C6: variants seen among roughly 807,000 people sequenced by gnomAD.
The protein encoded by C6 is complement C6, also known as complement component C6.
A neutral mutation model predicts 112.9 loss-of-function variants in C6; 101 were observed. The observed-to-expected ratio is 0.89, with a 90% confidence interval of 0.76 to 1.06. C6 has a LOEUF of 1.06. Among genes scored for constraint, C6 ranks in the 50% least tolerant of loss-of-function variants. C6 has a pLI of 0.00. For synonymous variants in C6, 431 were observed against 384.1 expected (o/e 1.12, Z -1.43); for missense variants, 1,202 against 1,104.6 (o/e 1.09, Z -1.25).
chr5:41,195,681 G>T lies in C6; in HGVS notation c.587+111C>A, dbSNP rs189968996. Reference sequence around the variant, plus strand: ...TAAGTATCAGAGATAGGGCTGGTAGGAGTAGTAAGAAGTTAATGAGGAAGA... The same window carrying T: ...TAAGTATCAGAGATAGGGCTGGTAGTAGTAGTAAGAAGTTAATGAGGAAGA... On this transcript the variant is annotated intron_variant, in intron 5 of 17. Coordinates refer to ENST00000337836, the MANE Select transcript of C6 (RefSeq NM_000065.5). 1,298 of 1,108,412 alleles carry T rather than the reference G, an allele frequency of 1.2e-3. 3 individuals carry two copies. Among genetic ancestry groups the T allele is most frequent in the Non-Finnish European group, 1.3e-3 (922 of 731,506 alleles). 68.7% of individuals were successfully genotyped at this position (1,108,412 alleles called of 1,614,324 possible). A position where few individuals can be genotyped will look rare whatever the true frequency, so the allele number is the denominator to read the frequency against.
chr5:41,232,826 T>C (rs1292333907), intron 1 of C6, among the ~76,000 whole-genome samples: 1 of 151,994 alleles, frequency 6.6e-6, no homozygotes, highest in Non-Finnish European at 1.5e-5. Context: ...TTTTCTCATA[T>C]TGTGTTGTCA....
chr5:41,191,672 T>C (rs371302223), intron 5 of C6, among the ~76,000 whole-genome samples: 1 of 152,154 alleles, frequency 6.6e-6, no homozygotes, highest in African/African-American at 2.4e-5. Flanking sequence ...GTAGCTCTTA[T>C]AGTTAGCTCT....
At chr5:41,151,674 G>A (rs905653098) in intron 15 of C6, among the ~76,000 whole-genome samples, 4 of 152,110 alleles carry the variant, frequency 2.6e-5, no homozygotes, top group African/African-American at 7.2e-5. Context: ...AGTGTGAGGC[G>A]AGGGGACAGA....
intron 1 of C6, among the ~76,000 whole-genome samples, chr5:41,232,247 T>A (rs931648830): frequency 2.6e-5 from 4 of 152,134 alleles, no homozygotes; most frequent in African/African-American, 9.7e-5. Context: ...CCTCTGCGTA[T>A]CCCTTGAGTT....
intron 15 of C6, chr5:41,152,622 C>A (rs560401919): frequency 6.6e-6 from 1 of 152,156 alleles, no homozygotes; most frequent in Non-Finnish European, 1.5e-5. Context: ...CAGTTGTTTT[C>A]CTTTCCTTCT....
At chr5:41,163,281 CTT>C (rs1463432914) in intron 9 of C6, among the ~76,000 whole-genome samples, 1 of 148,716 alleles carries the variant, frequency 6.7e-6, no homozygotes, top group Non-Finnish European at 1.5e-5. Context: ...TTTCAAGAAA[CTT>C]TTGTAATATA....
intron 1 of C6, among the ~76,000 whole-genome samples, chr5:41,221,033 TA>T (rs11379591): frequency 1.0e-4 from 15 of 148,906 alleles, no homozygotes; most frequent in Middle Eastern, 3.4e-3. Context: ...TTTATGTAGC[TA>T]AAAAAAAAAA....
intron 5 of C6, among the ~76,000 whole-genome samples, chr5:41,195,519 AG>A (rs1750542243): frequency 6.6e-6 from 1 of 152,140 alleles, no homozygotes; most frequent in Non-Finnish European, 1.5e-5. Flanking sequence ...AAACTTTCTG[AG>A]AGATGTATGA....
intron 1 of C6, among the ~76,000 whole-genome samples, chr5:41,204,659 C>CTT (rs56809256): frequency 0.017 from 2,277 of 133,218 alleles, 73 homozygotes; most frequent in African/African-American, 0.061. Flanking sequence ...AATCAGTAAG[C>CTT]TTTTTTTTTT....
chr5:41,240,112 TA>T (rs1417984776), intron 1 of C6, among the ~76,000 whole-genome samples: 1 of 152,206 alleles, frequency 6.6e-6, no homozygotes, highest in Non-Finnish European at 1.5e-5. Flanking sequence ...TCTGGATTTC[TA>T]AATCTCTTGC....
chr5:41,152,546 T>C (rs1040187297), intron 15 of C6, among the ~76,000 whole-genome samples: 2 of 152,198 alleles, frequency 1.3e-5, no homozygotes, highest in African/African-American at 4.8e-5. Flanking sequence ...GAAGGTTTGA[T>C]AAGGAAAGGT....
intron 1 of C6, among the ~76,000 whole-genome samples, chr5:41,255,216 G>A (rs1741614666): frequency 6.6e-6 from 1 of 151,766 alleles, no homozygotes; most frequent in South Asian, 2.1e-4. Flanking sequence ...CAAAAATTAG[G>A]CGGGCATGGT....
At chr5:41,175,518 T>C (rs534100054) in intron 8 of C6, among the ~76,000 whole-genome samples, 18 of 152,270 alleles carry the variant, frequency 1.2e-4, no homozygotes, top group Admixed American at 9.2e-4. Context: ...AAGGTTTCCG[T>C]AGGAAAGTAT....
upstream of C6, among the ~76,000 whole-genome samples, chr5:41,216,823 G>A (rs1752211453): frequency 1.3e-5 from 2 of 151,950 alleles, no homozygotes; most frequent in Non-Finnish European, 2.9e-5. Flanking sequence ...TACTCTGCAA[G>A]GATACTCTAG....
upstream of C6, chr5:41,213,610 A>T: frequency 1.1e-6 from 1 of 944,046 alleles, no homozygotes; most frequent in Non-Finnish European, 1.3e-6. Flanking sequence ...ATCAGTAGTA[A>T]CCCTGAAACT....
intron 12 of C6, 80 bp from the exon 13 acceptor site, chr5:41,158,865 A>C: frequency 1.0e-6 from 1 of 990,924 alleles, no homozygotes; most frequent in Non-Finnish European, 1.6e-6. Context: ...ATGTGTATAC[A>C]TGTGTACACA....
Position 41,251,105 on chromosome 5 carries a change from G to A in C6, c.-21+10089C>T, listed in dbSNP as rs985946953. Reference sequence around the variant, plus strand: ...AACTATAATAAAATTTAGAATCTCTGAGTTTTGAATTGAAACTCTAGGTCC... The same window carrying A: ...AACTATAATAAAATTTAGAATCTCTAAGTTTTGAATTGAAACTCTAGGTCC... On this transcript the variant is annotated intron_variant, in intron 1 of 17. Transcript: ENST00000263413. Among the ~76,000 whole-genome samples the A allele has an allele frequency of 3.3e-5, 5 of 152,208 alleles. No homozygotes were observed. In the South Asian group the frequency reaches 6.2e-4, roughly 19 times the overall value.
chr5:41,207,915 C>G (rs973985409), intron 1 of C6, among the ~76,000 whole-genome samples: 32 of 152,204 alleles, frequency 2.1e-4, no homozygotes, highest in Non-Finnish European at 3.7e-4. Context: ...CCCAAATCAA[C>G]AGAATATATA....
At chr5:41,149,620 G>C (rs1746188930) in intron 16 of C6, 138 bp from the exon 17 acceptor site, 5 of 1,105,578 alleles carry the variant, frequency 4.5e-6, no homozygotes, top group Admixed American at 1.8e-5. Flanking sequence ...CCCTGGGCTT[G>C]AGTGAGAGGA....
Sources: allele counts gnomAD v4.1 joint callset (sites outside exome capture counted in the v4.1 genomes callset), GRCh38; gene constraint gnomAD v4.1.1; transcripts MANE v1.5; gene names NCBI Gene and HGNC (gene_info 2026-07-23, HGNC 2026-07-21).